The following NRXN1 variants were observed in gnomAD, a reference collection of about 807,000 sequenced individuals.
NRXN1 encodes neurexin-1.
Under a neutral mutation model 150.9 loss-of-function variants are expected in NRXN1, and 39 were observed. The observed-to-expected ratio is 0.26, with a 90% CI of 0.20 to 0.34. NRXN1 has a LOEUF of 0.34. Among genes scored for constraint, NRXN1 ranks in the 10% least tolerant of loss-of-function variants. The probability of loss-of-function intolerance (pLI) is 1.00; values close to 1 mark genes in which losing one functional copy is unlikely to be tolerated. For missense variants in NRXN1, 1,815 were observed against 1,949.9 expected, an observed-to-expected ratio of 0.93 and a Z score of 1.30; for synonymous variants, 924 against 757.0, an observed-to-expected ratio of 1.22 and a Z score of -3.62.
At chr2:50,629,013 C>G (rs1681730164) in intron 5 of NRXN1, among the ~76,000 whole-genome samples, 1 of 151,626 alleles carries the variant, frequency 6.6e-6, no homozygotes, top group Non-Finnish European at 1.5e-5. Context: ...TGTGGGGCAA[C>G]TAGAACTCTC....
intron 18 of NRXN1, among the ~76,000 whole-genome samples, chr2:50,132,545 T>C (rs560141628): frequency 6.6e-6 from 1 of 152,094 alleles, no homozygotes; most frequent in Non-Finnish European, 1.5e-5. Flanking sequence ...GACTTTGTGA[T>C]CTTCCCGCCT....
At chr2:50,388,389 T>C (rs942950817) in intron 17 of NRXN1, among the ~76,000 whole-genome samples, 1 of 152,150 alleles carries the variant, frequency 6.6e-6, no homozygotes, top group Non-Finnish European at 1.5e-5. Context: ...GAGGTCATAA[T>C]TCTGTGGAGG....
At chr2:50,142,047 T>C (rs1166468260) in intron 18 of NRXN1, among the ~76,000 whole-genome samples, 1 of 152,026 alleles carries the variant, frequency 6.6e-6, no homozygotes, top group Non-Finnish European at 1.5e-5. Flanking sequence ...AGACATGGAA[T>C]CAATCAAAGT....
chr2:49,984,592 A>G (rs72887828), intron 21 of NRXN1, among the ~76,000 whole-genome samples: 2,961 of 152,148 alleles, frequency 0.019, 104 homozygotes, highest in African/African-American at 0.067. Flanking sequence ...GCTTGCACTC[A>G]GGAAAGCACT....
intron 17 of NRXN1, among the ~76,000 whole-genome samples, chr2:50,443,335 A>G (rs780341236): frequency 3.9e-4 from 59 of 152,086 alleles, no homozygotes; most frequent in Admixed American, 5.9e-4. Flanking sequence ...AATATAGGAG[A>G]ATTTTCTTCT....
chr2:50,229,327 T>G (rs558367843), intron 18 of NRXN1, among the ~76,000 whole-genome samples: 3 of 125,532 alleles, frequency 2.4e-5, no homozygotes, highest in South Asian at 4.9e-4. Flanking sequence ...GCGCATTTTT[T>G]TTTGTGTGTG....
At chr2:50,800,878 C>T (rs1338890060) in intron 5 of NRXN1, among the ~76,000 whole-genome samples, 3 of 152,012 alleles carry the variant, frequency 2.0e-5, no homozygotes, top group African/African-American at 4.8e-5. Flanking sequence ...GCACTTGTTA[C>T]AAAAATCTTC....
At chr2:50,498,585 C>G (rs763001748) in intron 13 of NRXN1, among the ~76,000 whole-genome samples, 6 of 152,154 alleles carry the variant, frequency 3.9e-5, no homozygotes, top group Non-Finnish European at 5.9e-5. Context: ...TTCTCTCTAT[C>G]CCTGCATATT....
intron 12 of NRXN1, among the ~76,000 whole-genome samples, chr2:50,522,705 CATTTATTTTTATT>C: frequency 9.7e-6 from 1 of 103,328 alleles, no homozygotes; most frequent in African/African-American, 4.6e-5. Context: ...TCCATTTATT[CATTTATTTTTATT>C]CATTTTTTTT....
At chr2:50,181,385 T>C (rs1311952652) in intron 18 of NRXN1, among the ~76,000 whole-genome samples, 1 of 152,066 alleles carries the variant, frequency 6.6e-6, no homozygotes, top group Admixed American at 6.6e-5. Context: ...ATGAACATGG[T>C]CTTATAATAG....
chr2:50,335,158 G>A (rs1033582068), intron 17 of NRXN1, among the ~76,000 whole-genome samples: 1 of 152,154 alleles, frequency 6.6e-6, no homozygotes, highest in Non-Finnish European at 1.5e-5. Flanking sequence ...AAACATGGAT[G>A]TTAAGTTCCT....
intron 18 of NRXN1, among the ~76,000 whole-genome samples, chr2:50,151,414 C>T (rs914034793): frequency 3.3e-5 from 5 of 151,612 alleles, no homozygotes; most frequent in Non-Finnish European, 7.4e-5. Flanking sequence ...AATAGGATAT[C>T]AGTATGCACC....
intron 17 of NRXN1, among the ~76,000 whole-genome samples, chr2:50,374,294 AAAATAAATAAATAAATAAAT>A (rs71404951): frequency 7.3e-6 from 1 of 136,580 alleles, no homozygotes; most frequent in East Asian, 2.2e-4. Context: ...CTGTCTCAAG[AAAATAAATAAATAAATAAAT>A]AAATAAATAA....
chr2:50,411,999 G>C (rs1285963575), intron 17 of NRXN1, among the ~76,000 whole-genome samples: 1 of 152,148 alleles, frequency 6.6e-6, no homozygotes, highest in Admixed American at 6.5e-5. Context: ...GGATGCTGTT[G>C]ATCTATAACC....
chr2:50,756,835 CTCTTA>C (rs769924115), intron 5 of NRXN1, among the ~76,000 whole-genome samples: 33 of 151,742 alleles, frequency 2.2e-4, no homozygotes, highest in African/African-American at 3.9e-4. Context: ...TTTTTTCACT[CTCTTA>C]TAAGAGCATA....
chr2:50,538,511 T>G lies in NRXN1; in HGVS notation c.1885A>C (p.Thr629Pro), dbSNP rs752252507. The G allele has an allele frequency of 1.2e-5, 20 of 1,607,144 alleles. No homozygotes were observed. The South Asian group carries it at 2.2e-4, about 18-fold the overall frequency. Residue 629 changes from threonine (T) to proline (P), a missense_variant, in exon 10 of 23, where the codon ACC becomes CCC. Around this residue, in one of 6 missense-constraint regions of NRXN1, gnomAD observed 638 missense variants for 652.6 expected, o/e 0.98. Coordinates refer to ENST00000401669, the MANE Select transcript of NRXN1 (RefSeq NM_001330078.2). ...PENKAGLVFPTEVWTALLNYG... is the reference protein window; with the variant it reads ...PENKAGLVFPPEVWTALLNYG... ...TTGAGCAGAGCAGTCCACACCTCGG[T>G]GGGGAAGACAAGGCCAGCTTTATTT...
chr2:50,047,777 C>T (rs1692062489), intron 21 of NRXN1, among the ~76,000 whole-genome samples: 1 of 151,694 alleles, frequency 6.6e-6, no homozygotes, highest in African/African-American at 2.4e-5. Flanking sequence ...TATTGCCCAT[C>T]TTCTCCAACT....
intron 5 of NRXN1, among the ~76,000 whole-genome samples, chr2:50,785,047 C>G (rs1281888191): frequency 6.6e-6 from 1 of 151,958 alleles, no homozygotes; most frequent in Non-Finnish European, 1.5e-5. Context: ...ACACCCTAAT[C>G]CCACAGAATG....
chr2:50,153,446 G>A (rs2058817185), intron 18 of NRXN1, among the ~76,000 whole-genome samples: 1 of 151,038 alleles, frequency 6.6e-6, no homozygotes, highest in African/African-American at 2.4e-5. Context: ...TGGCAACTCT[G>A]GAAATCAGAT....
Sources: gnomAD v4.1 joint callset for allele counts (sites outside exome capture counted in the v4.1 genomes callset) on GRCh38, gnomAD v4.1.1 for gene constraint, gnomAD v4.1.1 regional missense constraint, MANE v1.5 for transcripts, NCBI Gene and HGNC (gene_info 2026-07-23, HGNC 2026-07-21) for gene names.